The following ERAP1 variants were observed in gnomAD, a reference collection of about 807,000 sequenced individuals.
ERAP1 encodes endoplasmic reticulum aminopeptidase 1.
A neutral mutation model predicts 103.7 loss-of-function variants in ERAP1; 86 were observed. That is an observed-to-expected ratio of 0.83 (90% CI 0.70 to 0.99). The LOEUF is 0.99. Ranked by LOEUF, ERAP1 falls within the 50% of genes least tolerant of loss-of-function variation. The pLI is 0.00. For synonymous variants in ERAP1, 398 were observed against 402.4 expected (o/e 0.99, Z 0.13); for missense variants, 1,009 against 1,128.4 (o/e 0.89, Z 1.52).
At chr5:96,840,411 A>G in the ERAP1 span, among the ~76,000 whole-genome samples, 2 of 152,198 alleles carry the variant, frequency 1.3e-5, no homozygotes, top group African/African-American at 4.8e-5. Context: ...TCCCCCAGTG[A>G]ATCAGGTTTC....
At chr5:96,773,948 CT>C (rs1256853549), downstream of ERAP1, 2 of 152,278 alleles carry the variant, frequency 1.3e-5, no homozygotes, top group African/African-American at 2.4e-5. Flanking sequence ...GGCACCACAT[CT>C]TGTTAACCTC....
At chr5:96,855,789 T>A in the ERAP1 span, among the ~76,000 whole-genome samples, 1 of 152,300 alleles carries the variant, frequency 6.6e-6, no homozygotes, top group Non-Finnish European at 1.5e-5. Flanking sequence ...GACATCTCCC[T>A]GTTGGTCTTG....
chr5:96,863,441 C>T, the ERAP1 span, among the ~76,000 whole-genome samples: 1 of 152,146 alleles, frequency 6.6e-6, no homozygotes, highest in African/African-American at 2.4e-5. Flanking sequence ...TTCTCAATCA[C>T]CATCCTCACT....
the ERAP1 span, among the ~76,000 whole-genome samples, chr5:96,888,129 G>GA: frequency 0.6 from 78,574 of 129,876 alleles, 21,346 homozygotes; most frequent in Middle Eastern, 0.66. Flanking sequence ...CATCTCAAAA[G>GA]AAAAAAAAAA....
chr5:96,882,816 G>C, the ERAP1 span, among the ~76,000 whole-genome samples: 1 of 152,118 alleles, frequency 6.6e-6, no homozygotes, highest in Admixed American at 6.5e-5. Context: ...AATAAAGCAA[G>C]CTGAAGTAAA....
downstream of ERAP1, chr5:96,769,760 G>A (rs1479071876): frequency 1.3e-5 from 2 of 150,632 alleles, no homozygotes; most frequent in South Asian, 2.1e-4. Context: ...TACCATGGTC[G>A]CCATGTTTTA....
the ERAP1 span, among the ~76,000 whole-genome samples, chr5:96,815,333 G>C: frequency 6.6e-6 from 1 of 151,638 alleles, no homozygotes; most frequent in Admixed American, 6.6e-5. Flanking sequence ...TCACTAATTT[G>C]ATCTTTGTAA....
At chr5:96,853,694 T>A in the ERAP1 span, among the ~76,000 whole-genome samples, 6 of 151,884 alleles carry the variant, frequency 4.0e-5, no homozygotes, top group Non-Finnish European at 8.8e-5. Flanking sequence ...CACAGGCCAG[T>A]GGCAGATGAG....
chr5:96,830,924 C>G, the ERAP1 span, among the ~76,000 whole-genome samples: 1 of 152,240 alleles, frequency 6.6e-6, no homozygotes, highest in Non-Finnish European at 1.5e-5. Context: ...CAAGTATACT[C>G]AAATCCTGCA....
the ERAP1 span, among the ~76,000 whole-genome samples, chr5:96,889,818 A>T: frequency 0.55 from 83,335 of 150,742 alleles, 22,927 homozygotes; most frequent in South Asian, 0.6. Flanking sequence ...TGGATTTTCC[A>T]TTAAAAAATA....
the ERAP1 span, among the ~76,000 whole-genome samples, chr5:96,883,522 G>A: frequency 6.6e-6 from 1 of 152,184 alleles, no homozygotes; most frequent in Non-Finnish European, 1.5e-5. Context: ...CATTCAAGTT[G>A]TCTGAGCCTC....
the ERAP1 span, among the ~76,000 whole-genome samples, chr5:96,921,769 T>C: frequency 2.0e-5 from 3 of 152,220 alleles, no homozygotes; most frequent in Non-Finnish European, 4.4e-5. Context: ...AATTCATGCC[T>C]TCCTCTGTTG....
At chr5:96,927,344 A>T in the ERAP1 span, among the ~76,000 whole-genome samples, 2 of 152,264 alleles carry the variant, frequency 1.3e-5, no homozygotes, top group African/African-American at 4.8e-5. Flanking sequence ...TATTGTAGCT[A>T]TCCTAGTAGA....
chr5:96,879,606 C>A, the ERAP1 span: 1 of 1,130,602 alleles, frequency 8.8e-7, no homozygotes, highest in Non-Finnish European at 1.3e-6. Flanking sequence ...CCCCATGTGA[C>A]ATAACTGGAG....
At chr5:96,856,565 A>C in the ERAP1 span, among the ~76,000 whole-genome samples, 3 of 151,824 alleles carry the variant, frequency 2.0e-5, no homozygotes, top group Non-Finnish European at 4.4e-5. Context: ...AAGAACATTT[A>C]TGGAGCTAGA....
In ERAP1 at chr5:96,802,683, G is replaced by A. The variant is rs549659235; in HGVS notation, c.524+720C>T. On this transcript the variant is annotated intron_variant, in intron 2 of 18. Transcript: ENST00000443439. ...GAGATAAAAGTATTTCCTCTAATAT[G>A]TTGCTAGTAGGATTTGCTGAAGTCC... Among the ~76,000 whole-genome samples the A allele has an allele frequency of 6.6e-5, 10 of 152,274 alleles. No individual in the cohort carries two copies. The South Asian group carries it at 1.5e-3, about 22-fold the overall frequency.
chr5:96,833,913 T>C, the ERAP1 span, among the ~76,000 whole-genome samples: 1 of 152,206 alleles, frequency 6.6e-6, no homozygotes, highest in Non-Finnish European at 1.5e-5. Context: ...TTTGTCTTTG[T>C]ATTCATTAAA....
At chr5:96,803,291 A>C (rs1778189075) in intron 2 of ERAP1, 112 bp downstream of exon 2, 1 of 1,154,840 alleles carries the variant, frequency 8.7e-7, no homozygotes, top group African/African-American at 1.6e-5. Flanking sequence ...CAAAAGCAAA[A>C]CTGAAGAAAA....
At chr5:96,889,565 G>T in the ERAP1 span, 1 of 680,182 alleles carries the variant, frequency 1.5e-6, no homozygotes, top group South Asian at 1.7e-5. Context: ...TTCCCAGGCT[G>T]ATCAGAAAGG....
Sources: gnomAD v4.1 joint callset for allele counts (sites outside exome capture counted in the v4.1 genomes callset) on GRCh38, gnomAD v4.1.1 for gene constraint, MANE v1.5 for transcripts, NCBI Gene and HGNC (gene_info 2026-07-23, HGNC 2026-07-21) for gene names.